Variants in ANKRD39 observed in about 807,000 individuals in gnomAD.
ANKRD39 encodes the protein ankyrin repeat domain 39, also known as ankyrin repeat domain-containing protein 39.
In ANKRD39, 18 loss-of-function variants were observed where a neutral mutation model predicts 20.3. That is an observed-to-expected ratio of 0.89 (90% CI 0.61 to 1.32). ANKRD39 has a LOEUF of 1.32. ANKRD39 is among the 40% of genes most tolerant of loss of function. The pLI, the probability that ANKRD39 is intolerant of heterozygous loss-of-function variation, is 0.00. For missense variants in ANKRD39, 243 were observed against 250.7 expected (o/e 0.97, Z 0.21); for synonymous variants, 106 against 111.9 (o/e 0.95, Z 0.33).
At chr2:96,852,950 G>A (rs1249879883) in intron 3 of ANKRD39, among the ~76,000 whole-genome samples, 1 of 152,138 alleles carries the variant, frequency 6.6e-6, no homozygotes, top group Non-Finnish European at 1.5e-5. Flanking sequence ...CAAAGGACGG[G>A]CCTAGAAGGC....
Position 96,857,920 on chromosome 2 carries a change from T to C in ANKRD39, c.68A>G (p.Gln23Arg), listed in dbSNP as rs775032750. ...GAAGTCCATCTCCTCCAGCGTCTGC[T>C]GTACGCCGAGCACCGCGCTGGGATG... ...CSHPSAVLGV[Q>R]QTLEEMDFER... Residue 23 changes from glutamine to arginine, a missense_variant, in exon 1 of 4, where the codon CAG becomes CGG. Gln to Arg is a conservative substitution (Grantham distance 43). Coordinates refer to ENST00000393537, the MANE Select transcript of ANKRD39 (RefSeq NM_016466.6). 6 of 1,584,712 alleles carry C rather than the reference T, an allele frequency of 3.8e-6. No homozygotes were observed. Among genetic ancestry groups the C allele is most frequent in the Non-Finnish European group, 2.6e-6 (3 of 1,172,202 alleles).
At chr2:96,852,923 C>T (rs959698254) in intron 3 of ANKRD39, among the ~76,000 whole-genome samples, 10 of 152,006 alleles carry the variant, frequency 6.6e-5, no homozygotes, top group Middle Eastern at 3.2e-3. Context: ...GAAAAGCAAT[C>T]GGTAAAGTGA....
intron 3 of ANKRD39, among the ~76,000 whole-genome samples, chr2:96,849,894 T>C (rs2079828492): frequency 6.6e-6 from 1 of 152,192 alleles, no homozygotes; most frequent in Non-Finnish European, 1.5e-5. Flanking sequence ...ATTTCTAACC[T>C]ACCTCCCCCC....
In ANKRD39 at chr2:96,848,637, A is replaced by G. The variant is rs547928954; in HGVS notation, c.409-193T>C. On this transcript the variant is annotated intron_variant, in intron 3 of 3. Transcript: ENST00000393537. ...GTCAAGAGTTCAAGACCAGCCTGAC[A>G]TGGTGAAACCCCATCTCTACTAAAA... Among the ~76,000 whole-genome samples, 5 of 152,290 alleles carry G rather than the reference A, an allele frequency of 3.3e-5. No individual in the cohort carries two copies. The East Asian group carries it at 5.8e-4, about 18-fold the overall frequency.
In ANKRD39 at chr2:96,858,003, A is replaced by C. The variant is rs986560328; in HGVS notation, c.-16T>G. The stretch of plus-strand genomic sequence containing the variant: ...GCGTCGCCATCCCGGCCCCGGCGTC[A>C]GTCGATCCGCCCCGGGTCTCAGGCT... On this transcript the variant is annotated 5_prime_UTR_variant, in exon 1 of 4. Transcript: ENST00000393537. 1 of 1,518,698 alleles carries C rather than the reference A, an allele frequency of 6.6e-7. No homozygotes were observed. The highest frequency in any genetic ancestry group is 8.8e-7 in the Non-Finnish European group (1 of 1,139,442). The allele number at this position is 1,518,698 out of a possible 1,614,324, so 94.1% of individuals were successfully genotyped here. A position where few individuals can be genotyped will look rare whatever the true frequency, so the allele number is the denominator to read the frequency against.
rs755423240 is a variant in ANKRD39 at position 96,853,483 on chromosome 2, T to G, written c.326A>C (p.His109Pro). The G allele has an allele frequency of 6.2e-7, 1 of 1,611,100 alleles. No homozygotes were observed. The highest frequency in any genetic ancestry group is 2.2e-5 in the East Asian group (1 of 44,694). ...TAGCAGGAGCCGCGCGATTTCAGTG[T>G]GCCCGCAGTAGCTGGCTCGGTGCAG... Reference protein sequence around the residue: ...TALHRASYCGHTEIARLLLSH... With the variant: ...TALHRASYCGPTEIARLLLSH... The change falls in exon 3 of 4, where the codon CAC (histidine) becomes CCC (proline). Residue 109 changes from histidine to proline, a missense_variant. Physicochemically the swap from His to Pro is moderately conservative, Grantham distance 77 (BLOSUM62 -2). Coordinates refer to ENST00000393537, the MANE Select transcript of ANKRD39 (RefSeq NM_016466.6).
At position 96,854,445 on chromosome 2, in the gene ANKRD39, C is replaced by T. The variant is rs1300190038; in HGVS notation, c.101-4G>A. 1 of 1,614,068 alleles carries T rather than the reference C, an allele frequency of 6.2e-7. No individual in the cohort carries two copies. Among genetic ancestry groups the T allele is most frequent in the Non-Finnish European group, 8.5e-7 (1 of 1,179,958 alleles). On this transcript the variant is annotated splice_region_variant and splice_polypyrimidine_tract_variant and intron_variant, in intron 1 of 3. Transcript: ENST00000393537. ...TTCAGGGCTGCCGACCAGATTCCTG[C>T]AGAAAGGCAACCAAAGGACTGAATG...
Position 96,853,525 on chromosome 2 carries a change from T to C in ANKRD39, c.284A>G (p.His95Arg). The change falls in exon 3 of 4, where the codon CAC (histidine) becomes CGC (arginine). Residue 95 changes from histidine to arginine, a missense_variant. By Grantham distance (29) the His-to-Arg change is conservative. Transcript: ENST00000393537. ...ESGAKCDAQT[H>R]GGATALHRAS... ...TCGGTGCAGAGCAGTGGCACCCCCG[T>C]GGGTCTGGGCATCACACTTAGCTCC... 1 of 1,613,370 alleles carries C rather than the reference T, an allele frequency of 6.2e-7. No homozygotes were observed. Among genetic ancestry groups the C allele is most frequent in the Non-Finnish European group, 8.5e-7 (1 of 1,179,960 alleles).
rs1307788701 is a variant in ANKRD39, at chr2:96,853,557, C to T, written c.252G>A (p.Leu84=). The T allele has an allele frequency of 1.2e-5, 20 of 1,612,894 alleles. No homozygotes were observed. Among genetic ancestry groups the T allele is most frequent in the Non-Finnish European group, 1.6e-5 (19 of 1,179,998 alleles). Residue 84 remains leucine (L), a synonymous_variant, in exon 3 of 4, where the codon CTG becomes CTA. Transcript: ENST00000393537. Reference sequence around the variant, plus strand: ...GGGCATCACACTTAGCTCCGCTTTCCAGCAGGAACTGGCACACAGCGTAGT... The same window carrying T: ...GGGCATCACACTTAGCTCCGCTTTCTAGCAGGAACTGGCACACAGCGTAGT... ...NGHYAVCQFL[L]ESGAKCDAQT... is the part of the protein sequence containing the mutation.
chr2:96,854,332 G>C lies in ANKRD39; in HGVS notation c.204+6C>G, dbSNP rs374260766. On this transcript the variant is annotated splice_donor_region_variant and intron_variant, in intron 2 of 3. Coordinates refer to ENST00000393537, the MANE Select transcript of ANKRD39 (RefSeq NM_016466.6). The stretch of plus-strand genomic sequence containing the variant: ...TCTCCTGACCCTGTGCTCCTCCCTA[G>C]CTCACCAGCGCAGTGTAGCCGGCCG... 4 of 1,613,560 alleles carry C rather than the reference G, an allele frequency of 2.5e-6. No individual in the cohort carries two copies. In the African/African-American group the frequency reaches 5.3e-5, roughly 22 times the overall value.
intron 1 of ANKRD39, 126 bp downstream of exon 1, chr2:96,857,762 C>G (rs2079872705): frequency 1.1e-5 from 11 of 1,020,622 alleles, no homozygotes; most frequent in Middle Eastern, 2.5e-4. Flanking sequence ...CCCGCCTTCC[C>G]GCACCAGGCC....
intron 1 of ANKRD39, among the ~76,000 whole-genome samples, chr2:96,857,560 A>C (rs2079871351): frequency 6.6e-6 from 1 of 152,224 alleles, no homozygotes; most frequent in Non-Finnish European, 1.5e-5. Context: ...CCTGGTGCAG[A>C]TTCTGCTCCC....
chr2:96,853,256 A>G, intron 3 of ANKRD39, 145 bp downstream of exon 3: 3 of 1,033,248 alleles, frequency 2.9e-6, no homozygotes, highest in Non-Finnish European at 4.2e-6. Flanking sequence ...CATTAGTCCT[A>G]AAGTGATGAC....
In ANKRD39 at chr2:96,848,307, G is replaced by A; in HGVS notation, c.546C>T (p.Ser182=). ...CTGGAGATAGGGTGGCGGCTCAGCT[G>A]GATAGCAGGTCCCGCAGGTCACTGT... ...PCNSDLRDLL[S]S The change falls in exon 4 of 4, where the codon TCC becomes TCT. Residue 182 remains serine, a synonymous_variant. Transcript: ENST00000393537. 6.2e-7 allele frequency: 1 copy of A among 1,614,052 alleles called. No individual in the cohort carries two copies.
chr2:96,857,912 G>C lies in ANKRD39; in HGVS notation c.76C>G (p.Leu26Val), dbSNP rs1360453537. ...PSAVLGVQQT[L>V]EEMDFERGIW... ...CCCCTCTCGAAGTCCATCTCCTCCA[G>C]CGTCTGCTGTACGCCGAGCACCGCG... The change falls in exon 1 of 4, where the codon CTG (leucine) becomes GTG (valine). Residue 26 changes from leucine to valine, a missense_variant. By Grantham distance (32) the Leu-to-Val change is conservative. Coordinates refer to ENST00000393537, the MANE Select transcript of ANKRD39 (RefSeq NM_016466.6). 1 of 1,584,774 alleles carries C rather than the reference G, an allele frequency of 6.3e-7. No individual in the cohort carries two copies. Among genetic ancestry groups the C allele is most frequent in the African/African-American group, 1.3e-5 (1 of 74,442 alleles).
At chr2:96,856,562 G>T (rs1439997874) in intron 1 of ANKRD39, among the ~76,000 whole-genome samples, 1 of 151,178 alleles carries the variant, frequency 6.6e-6, no homozygotes, top group African/African-American at 2.4e-5. Context: ...CAGCACAATT[G>T]ACACTTACGG....
intron 3 of ANKRD39, among the ~76,000 whole-genome samples, chr2:96,852,850 T>C (rs556287440): frequency 6.6e-6 from 1 of 152,184 alleles, no homozygotes; most frequent in African/African-American, 2.4e-5. Context: ...GGAGGATCAA[T>C]TGAGCCCAGG....
chr2:96,851,722 C>G (rs527928033), intron 3 of ANKRD39, among the ~76,000 whole-genome samples: 95 of 152,254 alleles, frequency 6.2e-4, no homozygotes, highest in African/African-American at 2.1e-3. Flanking sequence ...GGCATACATC[C>G]AGGTGAGCTC....
chr2:96,849,303 C>T (rs559062524), intron 3 of ANKRD39, among the ~76,000 whole-genome samples: 2 of 152,216 alleles, frequency 1.3e-5, no homozygotes, highest in African/African-American at 4.8e-5. Flanking sequence ...CAGGCGTGCA[C>T]CACTACACGT....
Sources: allele counts gnomAD v4.1 joint callset (sites outside exome capture counted in the v4.1 genomes callset), GRCh38; gene constraint gnomAD v4.1.1; transcripts MANE v1.5; gene names NCBI Gene and HGNC (gene_info 2026-07-23, HGNC 2026-07-21).